The following RAB20 variants were observed in gnomAD, a reference collection of about 807,000 sequenced individuals.
RAB20 encodes the protein RAB20, member RAS oncogene family.
A neutral mutation model predicts 3.7 loss-of-function variants in RAB20; 2 were observed. The ratio of observed to expected loss-of-function variants is 0.54; its 90% CI spans 0.22 to 1.69. The LOEUF (loss-of-function observed/expected upper bound fraction) is 1.69, where lower values mean the gene tolerates loss of function less well. Ranked by LOEUF, RAB20 falls within the 40% of genes most tolerant of loss-of-function variation. The pLI is 0.19. For missense variants in RAB20, 276 were observed against 311.9 expected (o/e 0.88, Z 0.87); for synonymous variants, 126 against 130.8 (o/e 0.96, Z 0.25).
chr13:110,550,509 C>T (rs1432685793), intron 1 of RAB20, among the ~76,000 whole-genome samples: 3 of 152,096 alleles, frequency 2.0e-5, no homozygotes, highest in East Asian at 1.9e-4. Flanking sequence ...ACGCTACCTC[C>T]GGGTAGATAG....
At position 110,561,625 on chromosome 13, in the gene RAB20, G is replaced by A. The variant is rs1287190293; in HGVS notation, c.-106C>T. 2 of 1,475,370 alleles carry A rather than the reference G, an allele frequency of 1.4e-6. No individual in the cohort carries two copies. The highest frequency in any genetic ancestry group is 1.8e-6 in the Non-Finnish European group (2 of 1,115,760). The allele number at this position is 1,475,370 out of a possible 1,614,324, so 91.4% of individuals were successfully genotyped here. On this transcript the variant is annotated 5_prime_UTR_variant, in exon 1 of 2. Transcript: ENST00000267328. Reference sequence around the variant, plus strand: ...GCGGACCCCGGACTCGCCGGGACCCGGATTCTCGTGAACGCTCCGGGACCT... The same window carrying A: ...GCGGACCCCGGACTCGCCGGGACCCAGATTCTCGTGAACGCTCCGGGACCT...
intron 1 of RAB20, among the ~76,000 whole-genome samples, chr13:110,525,809 G>C (rs567711452): frequency 1.3e-5 from 2 of 152,356 alleles, no homozygotes; most frequent in Non-Finnish European, 2.9e-5. Context: ...AGCAGCTGTG[G>C]GAGAGGCAGC....
intron 1 of RAB20, among the ~76,000 whole-genome samples, chr13:110,544,071 T>C (rs934669053): frequency 2.0e-5 from 3 of 152,252 alleles, no homozygotes. Flanking sequence ...AGCCTGATTT[T>C]TGTATATGGT....
chr13:110,561,119 A>G (rs4506764), intron 1 of RAB20, among the ~76,000 whole-genome samples: 144,088 of 152,292 alleles, frequency 0.95, 68,198 homozygotes, highest in South Asian at 0.97. Context: ...AGGTACACAA[A>G]TGACCAGCGG....
At chr13:110,536,364 G>A (rs1042276712) in intron 1 of RAB20, among the ~76,000 whole-genome samples, 2 of 152,314 alleles carry the variant, frequency 1.3e-5, no homozygotes, top group Non-Finnish European at 1.5e-5. Flanking sequence ...TGGACTGGGC[G>A]GCAGGTGGAT....
intron 1 of RAB20, among the ~76,000 whole-genome samples, chr13:110,532,656 C>T (rs937478657): frequency 9.5e-5 from 14 of 147,844 alleles, no homozygotes; most frequent in East Asian, 2.0e-4. Context: ...GGATTACAGG[C>T]GCGAGGCACC....
chr13:110,525,200 G>A (rs1489898013), intron 1 of RAB20, among the ~76,000 whole-genome samples: 4 of 152,340 alleles, frequency 2.6e-5, no homozygotes, highest in African/African-American at 9.6e-5. Context: ...CTGAAGTGTG[G>A]GGGAGTCAGG....
chr13:110,558,613 C>G (rs1267518726), intron 1 of RAB20, among the ~76,000 whole-genome samples: 1 of 151,528 alleles, frequency 6.6e-6, no homozygotes, highest in Non-Finnish European at 1.5e-5. Flanking sequence ...AACTCCTGAC[C>G]TTAGGTGATC....
chr13:110,543,324 TCTCA>T (rs1194785533), intron 1 of RAB20, among the ~76,000 whole-genome samples: 2 of 152,030 alleles, frequency 1.3e-5, no homozygotes, highest in Admixed American at 6.6e-5. Context: ...AGAGACAGGG[TCTCA>T]CTATGTTGCC....
intron 1 of RAB20, among the ~76,000 whole-genome samples, chr13:110,533,173 C>G (rs1487279028): frequency 6.6e-6 from 1 of 152,248 alleles, no homozygotes; most frequent in Non-Finnish European, 1.5e-5. Context: ...CTGTGACACA[C>G]TTCCCATCAG....
Position 110,523,880 on chromosome 13 carries a change from A to T in RAB20, c.490T>A (p.Tyr164Asn). 2 of 1,614,178 alleles carry T rather than the reference A, an allele frequency of 1.2e-6. No homozygotes were observed. Among genetic ancestry groups the T allele is most frequent in the African/African-American group, 2.7e-5 (2 of 75,034 alleles). The change falls in exon 2 of 2, where the codon TAC becomes AAC. Residue 164 changes from tyrosine to asparagine, a missense_variant. By Grantham distance (143) the Tyr-to-Asn change is moderately radical. Transcript: ENST00000267328. ...AVALYKKILK[Y>N]KMLDEQDVPA... ...ACATCCTGCTCATCCAGCATCTTGTACTTGAGGATCTTTTTATAAAGGGCC... is the reference window on the plus strand; with the variant it reads ...ACATCCTGCTCATCCAGCATCTTGTTCTTGAGGATCTTTTTATAAAGGGCC...
At chr13:110,552,675 AGAGT>A (rs565629566) in intron 1 of RAB20, among the ~76,000 whole-genome samples, 3,421 of 150,754 alleles carry the variant, frequency 0.023, 123 homozygotes, top group African/African-American at 0.077. Flanking sequence ...CCTGGGGGAC[AGAGT>A]GAGACTCCAT....
chr13:110,553,130 C>T (rs1353565997), intron 1 of RAB20, among the ~76,000 whole-genome samples: 1 of 152,248 alleles, frequency 6.6e-6, no homozygotes, highest in Non-Finnish European at 1.5e-5. Context: ...GCCTTGCACC[C>T]AGAAGGCACC....
intron 1 of RAB20, among the ~76,000 whole-genome samples, chr13:110,560,277 C>G (rs1566593725): frequency 6.6e-6 from 1 of 151,914 alleles, no homozygotes. Context: ...AAATTAGTCA[C>G]GATGTTAACT....
At chr13:110,546,027 G>C (rs1395618669) in intron 1 of RAB20, among the ~76,000 whole-genome samples, 1 of 152,024 alleles carries the variant, frequency 6.6e-6, no homozygotes, top group Non-Finnish European at 1.5e-5. Context: ...TCCAACCAGA[G>C]CCATTCCAAT....
intron 1 of RAB20, among the ~76,000 whole-genome samples, chr13:110,539,992 A>C (rs757060023): frequency 3.3e-5 from 5 of 152,268 alleles, no homozygotes; most frequent in Non-Finnish European, 5.9e-5. Flanking sequence ...CTGCAGGTAG[A>C]GTAGTTCCAC....
At position 110,526,596 on chromosome 13, in the gene RAB20, G is replaced by A. The variant is rs146080060; in HGVS notation, c.173-2399C>T. On this transcript the variant is annotated intron_variant, in intron 1 of 1. Transcript: ENST00000267328. ...CTGGGGTCATAAACCAAATTCACAG[G>A]GTCCATGACCTTGAATGAGGGAGAA... Among the ~76,000 whole-genome samples the A allele has an allele frequency of 1.1e-3, 172 of 152,110 alleles. 1 individual carries two copies. Among genetic ancestry groups the A allele is most frequent in the African/African-American group, 4.0e-3 (165 of 41,492 alleles).
chr13:110,555,649 G>A lies in RAB20; in HGVS notation c.172+5699C>T, dbSNP rs1009803283. On this transcript the variant is annotated intron_variant, in intron 1 of 1. Transcript: ENST00000267328. This position sits in a 1 kb window ranked among gnomAD's most constrained non-coding sequence, Gnocchi z 4.0. The stretch of plus-strand genomic sequence containing the variant: ...CTTGGGCAGAGGACGCCACGGAAGC[G>A]CAAACGTGAATCAGCCTGTGCCTTC... 2.6e-5 allele frequency among the ~76,000 whole-genome samples: 4 copies of A among 152,188 alleles called. No individual in the cohort carries two copies. Among genetic ancestry groups the A allele is most frequent in the African/African-American group, 7.2e-5 (3 of 41,440 alleles).
intron 1 of RAB20, among the ~76,000 whole-genome samples, chr13:110,533,569 C>G (rs545102021): frequency 6.6e-6 from 1 of 152,068 alleles, no homozygotes; most frequent in South Asian, 2.1e-4. Flanking sequence ...GCCTGTAGTC[C>G]CAGCTACTCT....
Sources: gnomAD v4.1 joint callset for allele counts (sites outside exome capture counted in the v4.1 genomes callset) on GRCh38, gnomAD v4.1.1 for gene constraint, Gnocchi (gnomAD v3.1) non-coding constraint, MANE v1.5 for transcripts, NCBI Gene and HGNC (gene_info 2026-07-23, HGNC 2026-07-21) for gene names.